ABI3BP: variants seen among roughly 807,000 people sequenced by gnomAD.
The protein encoded by ABI3BP is ABI family member 3 binding protein.
ABI3BP carries 216 observed loss-of-function variants against 268.6 expected under a neutral mutation model. The ratio of observed to expected loss-of-function variants is 0.80; its 90% CI spans 0.72 to 0.90. ABI3BP has a LOEUF of 0.90. ABI3BP is among the 40% of genes least tolerant of loss of function. The pLI, the probability that ABI3BP is intolerant of heterozygous loss-of-function variation, is 0.00. For missense variants in ABI3BP, 2,090 were observed against 2,182.4 expected (o/e 0.96, Z 0.84); for synonymous variants, 730 against 730.0 (o/e 1.00, Z 0.00).
At chr3:100,752,127 TAGAG>T (rs1010575670) in intron 66 of ABI3BP, among the ~76,000 whole-genome samples, 2 of 152,224 alleles carry the variant, frequency 1.3e-5, no homozygotes, top group African/African-American at 4.8e-5. Flanking sequence ...ACTAACTTTT[TAGAG>T]AGGCCTTCAC....
At chr3:100,880,069 C>T (rs1012469199) in intron 6 of ABI3BP, among the ~76,000 whole-genome samples, 1 of 152,166 alleles carries the variant, frequency 6.6e-6, no homozygotes. Context: ...AACTGTTTTA[C>T]GTACAATGTT....
chr3:100,871,822 A>G (rs1396549245), intron 9 of ABI3BP, among the ~76,000 whole-genome samples: 3 of 152,132 alleles, frequency 2.0e-5, no homozygotes, highest in Non-Finnish European at 2.9e-5. Flanking sequence ...TAAATTTTCT[A>G]TGTGTTCTTT....
At chr3:100,856,699 T>A (rs4928090) in intron 14 of ABI3BP, among the ~76,000 whole-genome samples, 40,373 of 152,080 alleles carry the variant, frequency 0.27, 5,670 homozygotes, top group Middle Eastern at 0.37. Context: ...CTTTTAAGGT[T>A]ACAATTAAGT....
At chr3:100,761,942 T>C (rs2095981769) in intron 63 of ABI3BP, among the ~76,000 whole-genome samples, 1 of 152,242 alleles carries the variant, frequency 6.6e-6, no homozygotes, top group African/African-American at 2.4e-5. Context: ...TTTCAGAAGC[T>C]TTGATCCATC....
chr3:100,897,680 T>G (rs1032628130), intron 4 of ABI3BP, among the ~76,000 whole-genome samples: 1 of 152,158 alleles, frequency 6.6e-6, no homozygotes, highest in African/African-American at 2.4e-5. Flanking sequence ...GTGATAAAAT[T>G]TTTCTGTTTC....
intron 8 of ABI3BP, 135 bp downstream of exon 8, chr3:100,875,373 G>A (rs1471330942): frequency 1.3e-5 from 9 of 676,704 alleles, no homozygotes; most frequent in Non-Finnish European, 2.1e-5. Context: ...CACGAGCCAG[G>A]ATGCTAAACA....
At chr3:100,816,902 TA>T (rs2098069128) in intron 42 of ABI3BP, 134 bp from the exon 43 acceptor site, 1 of 654,406 alleles carries the variant, frequency 1.5e-6, no homozygotes, top group Non-Finnish European at 2.5e-6. Context: ...TCTATTTTGT[TA>T]ATTTTCTTAA....
intron 14 of ABI3BP, among the ~76,000 whole-genome samples, chr3:100,860,839 CCCA>C (rs1365281247): frequency 6.6e-6 from 1 of 152,010 alleles, no homozygotes; most frequent in Non-Finnish European, 1.5e-5. Flanking sequence ...TCCCTAAATC[CCCA>C]AAGGCACTTG....
chr3:100,856,924 A>C (rs1477528844), intron 14 of ABI3BP, among the ~76,000 whole-genome samples: 1 of 152,174 alleles, frequency 6.6e-6, no homozygotes, highest in Non-Finnish European at 1.5e-5. Flanking sequence ...TTGATCCAAG[A>C]AGGACCTCAG....
rs141166238 is a variant in ABI3BP, at chr3:100,911,997, T to C, written c.260-9311A>G. ...AAAGCTAAAAAAAGCATGGAATATA[T>C]TTCTGAATGTCAATTGTATAAACAA... is the stretch of plus-strand genomic sequence containing the variant. On this transcript the variant is annotated intron_variant, in intron 2 of 67. Transcript: ENST00000471714. The C allele has an allele frequency of 6.9e-4, 544 of 792,882 alleles. 2 individuals carry two copies. The African/African-American group carries it at 8.4e-3, about 12-fold the overall frequency. The allele number at this position is 792,882 out of a possible 1,614,324, so 49.1% of individuals were successfully genotyped here. A position where few individuals can be genotyped will look rare whatever the true frequency, so the allele number is the denominator to read the frequency against.
Position 100,902,615 on chromosome 3 carries a change from T to C in ABI3BP, c.328+3A>G. ...AAAAAGAATTCAATGCAAAGGACTATACCTGAACATGACTTCTTTTGACTT... is the reference window on the plus strand; with the variant it reads ...AAAAAGAATTCAATGCAAAGGACTACACCTGAACATGACTTCTTTTGACTT... On this transcript the variant is annotated splice_donor_region_variant and intron_variant, in intron 3 of 67. Transcript: ENST00000471714. 6.2e-7 allele frequency: 1 copy of C among 1,613,616 alleles called. No homozygotes were observed. Among genetic ancestry groups the C allele is most frequent in the Non-Finnish European group, 8.5e-7 (1 of 1,179,550 alleles).
chr3:100,872,488 C>T (rs1488568034), intron 9 of ABI3BP, among the ~76,000 whole-genome samples: 1 of 152,130 alleles, frequency 6.6e-6, no homozygotes, highest in African/African-American at 2.4e-5. Flanking sequence ...AAACTGACAG[C>T]CGTGGTCTGA....
At chr3:100,963,601 C>A (rs1246137115) in intron 1 of ABI3BP, among the ~76,000 whole-genome samples, 1 of 152,170 alleles carries the variant, frequency 6.6e-6, no homozygotes, top group Non-Finnish European at 1.5e-5. Flanking sequence ...CCATTGTTCC[C>A]AGATGGCGAC....
intron 4 of ABI3BP, among the ~76,000 whole-genome samples, chr3:100,893,273 CTTTTGAGG>C (rs1582255319): frequency 1.3e-5 from 2 of 152,142 alleles, no homozygotes; most frequent in East Asian, 3.9e-4. Flanking sequence ...AGCTTCCCTA[CTTTTGAGG>C]TTTTGGGACG....
In ABI3BP at chr3:100,781,728, C is replaced by T. The variant is rs117109338; in HGVS notation, c.4163-1519G>A. Among the ~76,000 whole-genome samples the T allele has an allele frequency of 8.2e-4, 125 of 152,222 alleles. 1 individual carries two copies. The East Asian group carries it at 0.024, about 29-fold the overall frequency. ...GGCTAGTAGGCTGTCTTGAGTAGACCCTTCTTTACAGCCCTTTTCCAAATC... is the reference window on the plus strand; with the variant it reads ...GGCTAGTAGGCTGTCTTGAGTAGACTCTTCTTTACAGCCCTTTTCCAAATC... On this transcript the variant is annotated intron_variant, in intron 57 of 67. Transcript: ENST00000471714.
chr3:100,752,706 TAAGAA>T (rs1408478270), intron 66 of ABI3BP, 76 bp downstream of exon 66: 6 of 1,497,816 alleles, frequency 4.0e-6, no homozygotes, highest in Non-Finnish European at 4.5e-6. Context: ...CTGAAACTCT[TAAGAA>T]AAGGCCAAGT....
At chr3:100,991,484 T>C (rs1414654299) in intron 1 of ABI3BP, among the ~76,000 whole-genome samples, 1 of 152,112 alleles carries the variant, frequency 6.6e-6, no homozygotes, top group African/African-American at 2.4e-5. Flanking sequence ...GATTCCCCCC[T>C]TAAAGACTCC....
At chr3:100,940,787 T>TAA (rs2068685577) in intron 1 of ABI3BP, among the ~76,000 whole-genome samples, 1 of 13,542 alleles carries the variant, frequency 7.4e-5, no homozygotes, top group African/African-American at 3.6e-4. Flanking sequence ...ATTACTTCAC[T>TAA]ATATATATAT....
Position 100,775,301 on chromosome 3 carries a change from G to A in ABI3BP, c.4368C>T (p.Pro1456=). Residue 1456 remains proline (P), a synonymous_variant, in exon 60 of 68, where the codon CCC becomes CCT. Transcript: ENST00000471714. ...IISSGPITTP[P]LRSTPRPTGT... Reference sequence around the variant, plus strand: ...CAGTAGGCCTGGGTGTTGACCTCAGGGGTGGTGTAGTTATTGGGCCTGATG... The same window carrying A: ...CAGTAGGCCTGGGTGTTGACCTCAGAGGTGGTGTAGTTATTGGGCCTGATG... 6.2e-7 allele frequency: 1 copy of A among 1,608,086 alleles called. No individual in the cohort carries two copies. The highest frequency in any genetic ancestry group is 1.7e-5 in the Admixed American group (1 of 59,278).
Sources: allele counts gnomAD v4.1 joint callset (sites outside exome capture counted in the v4.1 genomes callset), GRCh38; gene constraint gnomAD v4.1.1; transcripts MANE v1.5; gene names NCBI Gene and HGNC (gene_info 2026-07-23, HGNC 2026-07-21).